Variants in NRG3 observed in about 807,000 individuals in gnomAD.
NRG3 encodes the protein pro-neuregulin-3, membrane-bound isoform.
A neutral mutation model predicts 66.9 loss-of-function variants in NRG3; 31 were observed. That is an observed-to-expected ratio of 0.46 (90% CI 0.35 to 0.63). NRG3 has a LOEUF of 0.63. NRG3 is among the 20% of genes least tolerant of loss of function. NRG3 has a pLI of 0.00. For synonymous variants in NRG3, 393 were observed against 359.4 expected, an observed-to-expected ratio of 1.09 and a Z score of -1.06; for missense variants, 910 against 878.9, an observed-to-expected ratio of 1.04 and a Z score of -0.45.
intron 3 of NRG3, among the ~76,000 whole-genome samples, chr10:82,763,752 G>A (rs2135097368): frequency 6.6e-6 from 1 of 152,082 alleles, no homozygotes; most frequent in East Asian, 1.9e-4. Flanking sequence ...GTGGCCATTG[G>A]TCATATGTGG....
At chr10:81,980,919 A>G (rs374650531) in intron 1 of NRG3, among the ~76,000 whole-genome samples, 5 of 152,224 alleles carry the variant, frequency 3.3e-5, no homozygotes, top group African/African-American at 1.2e-4. Context: ...GTCTCATTGG[A>G]TTAGGACCCA....
chr10:82,039,832 GCAT>G (rs2062951784), intron 1 of NRG3, among the ~76,000 whole-genome samples: 1 of 152,066 alleles, frequency 6.6e-6, no homozygotes, highest in Non-Finnish European at 1.5e-5. Context: ...CTCTCCTGAC[GCAT>G]CACTGCCCAG....
chr10:82,600,600 G>T (rs559588141), intron 2 of NRG3, among the ~76,000 whole-genome samples: 2 of 152,164 alleles, frequency 1.3e-5, no homozygotes, highest in East Asian at 3.9e-4. Flanking sequence ...CTCCCAAGTA[G>T]CTGAGATTAC....
At position 82,223,642 on chromosome 10, in the gene NRG3, AACACACACACAC is replaced by A. The variant is rs398014296; in HGVS notation, c.824-135067_824-135056del. ...TAGTAATATTCCAGCAACCACCCCA[AACACACACACAC>A]ACACACACACACACACACACACACA... On this transcript the variant is annotated intron_variant, in intron 1 of 8. Coordinates refer to ENST00000372141, the MANE Select transcript of NRG3 (RefSeq NM_001010848.4). Among the ~76,000 whole-genome samples the A allele has an allele frequency of 9.3e-3, 1,278 of 138,010 alleles. 20 individuals are homozygous for A. The highest frequency in any genetic ancestry group is 0.033 in the African/African-American group (1,196 of 36,008). The allele number at this position is 138,010 out of a possible 152,430, so 90.5% of individuals were successfully genotyped here.
chr10:81,890,479 A>G (rs558887180), intron 1 of NRG3, among the ~76,000 whole-genome samples: 8 of 152,362 alleles, frequency 5.3e-5, no homozygotes, highest in Middle Eastern at 6.8e-3. Context: ...GTAGGAAACT[A>G]TAGAAAGCTG....
chr10:82,281,459 C>T (rs2079116595), intron 1 of NRG3, among the ~76,000 whole-genome samples: 1 of 152,000 alleles, frequency 6.6e-6, no homozygotes, highest in South Asian at 2.1e-4. Context: ...GAGGAAACAA[C>T]AGAAGAAGAA....
At chr10:82,342,868 T>C (rs1160127647) in intron 1 of NRG3, among the ~76,000 whole-genome samples, 1 of 152,142 alleles carries the variant, frequency 6.6e-6, no homozygotes, top group East Asian at 1.9e-4. Context: ...AAGTTTTTCC[T>C]AGGTTTTCTT....
chr10:82,450,518 G>C (rs1002641088), intron 2 of NRG3, among the ~76,000 whole-genome samples: 3 of 152,056 alleles, frequency 2.0e-5, no homozygotes, highest in Non-Finnish European at 4.4e-5. Context: ...TTTTGATGTT[G>C]TGTTCTGAAG....
chr10:82,143,514 T>C lies in NRG3; in HGVS notation c.824-215225T>C, dbSNP rs1056335993. Reference sequence around the variant, plus strand: ...TGTGGACTAGGTTTGCCTGTATTTCTTGTTTAAAAGTTGATTCTACTGTTA... The same window carrying C: ...TGTGGACTAGGTTTGCCTGTATTTCCTGTTTAAAAGTTGATTCTACTGTTA... On this transcript the variant is annotated intron_variant, in intron 1 of 8. Transcript: ENST00000372141. 1.6e-4 allele frequency among the ~76,000 whole-genome samples: 25 copies of C among 152,178 alleles called. 1 individual carries two copies.
chr10:82,055,117 A>G (rs1425119173), intron 1 of NRG3, among the ~76,000 whole-genome samples: 1 of 152,060 alleles, frequency 6.6e-6, no homozygotes, highest in Non-Finnish European at 1.5e-5. Context: ...AAAAAGAGCC[A>G]CAGTCTCAGC....
At chr10:82,956,297 G>A (rs1200180107) in intron 5 of NRG3, among the ~76,000 whole-genome samples, 1 of 151,940 alleles carries the variant, frequency 6.6e-6, no homozygotes, top group African/African-American at 2.4e-5. Flanking sequence ...CATGTGCAAG[G>A]CATGCATCTT....
intron 1 of NRG3, among the ~76,000 whole-genome samples, chr10:82,245,985 T>TTTTG (rs1554859756): frequency 1.7e-5 from 2 of 117,842 alleles, no homozygotes; most frequent in African/African-American, 5.8e-5. Context: ...CTGGTTTTTT[T>TTTTG]TTTTTTTTTT....
intron 1 of NRG3, among the ~76,000 whole-genome samples, chr10:82,327,607 C>G (rs1202573940): frequency 6.6e-6 from 1 of 152,142 alleles, no homozygotes; most frequent in African/African-American, 2.4e-5. Flanking sequence ...AAAAATGATA[C>G]TGCAGCTATG....
At chr10:82,252,623 C>CT (rs935989376) in intron 1 of NRG3, among the ~76,000 whole-genome samples, 8 of 151,572 alleles carry the variant, frequency 5.3e-5, no homozygotes, top group South Asian at 4.2e-4. Context: ...TTTGGATTCA[C>CT]TTTTTTTTTC....
chr10:82,672,890 C>T (rs952612656), intron 2 of NRG3, among the ~76,000 whole-genome samples: 1 of 152,212 alleles, frequency 6.6e-6, no homozygotes, highest in Non-Finnish European at 1.5e-5. Flanking sequence ...GCTGGGATTA[C>T]AGGCATGCAC....
chr10:82,617,579 A>G (rs1270892900), intron 2 of NRG3, among the ~76,000 whole-genome samples: 2 of 152,212 alleles, frequency 1.3e-5, no homozygotes, highest in Non-Finnish European at 2.9e-5. Context: ...TGCCCTCCAT[A>G]TGAAGTCATC....
At chr10:82,507,690 C>A (rs1844812838) in intron 2 of NRG3, among the ~76,000 whole-genome samples, 1 of 152,118 alleles carries the variant, frequency 6.6e-6, no homozygotes, top group Admixed American at 6.6e-5. Context: ...AAGGTAGTGA[C>A]CTCAGGTGCA....
chr10:82,294,254 T>C (rs927752080), intron 1 of NRG3, among the ~76,000 whole-genome samples: 1 of 152,208 alleles, frequency 6.6e-6, no homozygotes, highest in East Asian at 1.9e-4. Context: ...AAATAACAGA[T>C]TTATTTAACC....
intron 2 of NRG3, among the ~76,000 whole-genome samples, chr10:82,370,409 G>A (rs540012715): frequency 3.6e-5 from 5 of 138,298 alleles, no homozygotes; most frequent in East Asian, 2.2e-4. Context: ...TCTCTGCCGC[G>A]TCGTTCTGCC....
Sources: gnomAD v4.1 joint callset for allele counts (sites outside exome capture counted in the v4.1 genomes callset) on GRCh38, gnomAD v4.1.1 for gene constraint, MANE v1.5 for transcripts, NCBI Gene and HGNC (gene_info 2026-07-23, HGNC 2026-07-21) for gene names.